PPP2R3A: variants seen among roughly 807,000 people sequenced by gnomAD.
The protein encoded by PPP2R3A is serine/threonine-protein phosphatase 2A regulatory subunit B'' subunit alpha.
A neutral mutation model predicts 106.9 loss-of-function variants in PPP2R3A; 80 were observed. That is an observed-to-expected ratio of 0.75 (90% CI 0.62 to 0.90). The LOEUF (loss-of-function observed/expected upper bound fraction) is 0.90. Among genes scored for constraint, PPP2R3A ranks in the 40% least tolerant of loss-of-function variants. The pLI is 0.00. For missense variants in PPP2R3A, 1,386 were observed against 1,350.4 expected, an observed-to-expected ratio of 1.03 and a Z score of -0.41; for synonymous variants, 483 against 468.3, an observed-to-expected ratio of 1.03 and a Z score of -0.41.
At chr3:136,026,791 G>T in intron 2 of PPP2R3A, 41 bp from the exon 3 acceptor site, 7 of 1,531,098 alleles carry the variant, frequency 4.6e-6, no homozygotes, top group Non-Finnish European at 6.2e-6. Flanking sequence ...AATGAATACT[G>T]TTTAAATTTT....
intron 13 of PPP2R3A, among the ~76,000 whole-genome samples, chr3:136,123,115 C>CTAA (rs1938060032): frequency 1.3e-5 from 2 of 152,016 alleles, no homozygotes; most frequent in Admixed American, 6.6e-5. Flanking sequence ...CCCCAAAATA[C>CTAA]GTTGTGGAAC....
rs186838098 is a variant in PPP2R3A at position 136,112,360 on chromosome 3, C to T, written c.3329+6038C>T. ...GAGAAAGTCAAGCTATCCGTCTTTG[C>T]AGATGATATAATTCTATACCTAGAA... On this transcript the variant is annotated intron_variant, in intron 13 of 13. Transcript: ENST00000264977. Among the ~76,000 whole-genome samples, 219 of 152,250 alleles carry T rather than the reference C, an allele frequency of 1.4e-3. 3 individuals are homozygous for T. Among genetic ancestry groups the T allele is most frequent in the African/African-American group, 4.6e-3 (193 of 41,560 alleles).
chr3:136,060,583 A>G (rs1936042708), intron 5 of PPP2R3A, among the ~76,000 whole-genome samples: 1 of 152,080 alleles, frequency 6.6e-6, no homozygotes, highest in Non-Finnish European at 1.5e-5. Flanking sequence ...ATGTGAAGAT[A>G]TGCTTGCTTC....
In PPP2R3A at chr3:135,990,032, T is replaced by C. The variant is rs16843601; in HGVS notation, c.-440-11027T>C. ...CTCTGGTATCACTCTCACTTTTGTT[T>C]GTAGTGTGTCTTATTTCTACAGTCA... On this transcript the variant is annotated intron_variant, in intron 1 of 13. Transcript: ENST00000264977. 7.3e-3 allele frequency among the ~76,000 whole-genome samples: 1,117 copies of C among 152,306 alleles called. 12 individuals carry two copies. The highest frequency in any genetic ancestry group is 0.026 in the African/African-American group (1,095 of 41,576).
At chr3:136,025,585 G>T (rs956916785) in intron 2 of PPP2R3A, among the ~76,000 whole-genome samples, 1 of 151,510 alleles carries the variant, frequency 6.6e-6, no homozygotes, top group Non-Finnish European at 1.5e-5. Flanking sequence ...CATTTTTAAG[G>T]GTAGCTAAAA....
rs565333671 is a variant in PPP2R3A at position 136,077,222 on chromosome 3, C to T, written c.2545-1145C>T. 3.3e-5 allele frequency among the ~76,000 whole-genome samples: 5 copies of T among 152,144 alleles called. No individual in the cohort carries two copies. The East Asian group carries it at 5.8e-4, about 18-fold the overall frequency. ...CTGATAGCAGGGGTGGGGTAGTGAG[C>T]GCTGGACAGCTGAAATCTAGACCTT... On this transcript the variant is annotated intron_variant, in intron 6 of 13. Transcript: ENST00000264977.
chr3:136,117,090 A>C (rs1937794816), intron 13 of PPP2R3A, among the ~76,000 whole-genome samples: 1 of 152,166 alleles, frequency 6.6e-6, no homozygotes, highest in Non-Finnish European at 1.5e-5. Context: ...AAACTCACTC[A>C]AACCTCACAA....
chr3:136,061,164 G>C (rs1936062578), intron 5 of PPP2R3A, among the ~76,000 whole-genome samples: 1 of 152,158 alleles, frequency 6.6e-6, no homozygotes, highest in Admixed American at 6.5e-5. Context: ...ATCTTTCAGA[G>C]AGAAAGAGAG....
chr3:135,982,129 G>A (rs768911514), intron 1 of PPP2R3A, among the ~76,000 whole-genome samples: 12 of 151,728 alleles, frequency 7.9e-5, no homozygotes, highest in Non-Finnish European at 1.6e-4. Context: ...TTTTGAGATA[G>A]GGTTGACAGG....
intron 3 of PPP2R3A, among the ~76,000 whole-genome samples, chr3:136,032,961 A>C (rs1266660976): frequency 6.6e-6 from 1 of 152,212 alleles, no homozygotes; most frequent in Non-Finnish European, 1.5e-5. Context: ...TCCAGTTCTC[A>C]GAGGGAATGC....
At position 136,102,086 on chromosome 3, in the gene PPP2R3A, G is replaced by A. The variant is rs1225640398; in HGVS notation, c.3007G>A (p.Glu1003Lys). ...GTATGAGCTGGAGTACTTCTATGAGGAGCAGTGTGAACGGATGGAAGCCAT... is the reference window on the plus strand; with the variant it reads ...GTATGAGCTGGAGTACTTCTATGAGAAGCAGTGTGAACGGATGGAAGCCAT... ...SMYELEYFYE[E>K]QCERMEAMGI... Residue 1003 changes from glutamate to lysine, a missense_variant, in exon 11 of 14, where the codon GAG (glutamate) becomes AAG (lysine). Glu to Lys is a moderately conservative substitution (Grantham distance 56). Transcript: ENST00000264977. 2.5e-6 allele frequency: 4 copies of A among 1,614,034 alleles called. No homozygotes were observed. In the Admixed American group the frequency reaches 5.0e-5, roughly 20 times the overall value.
At position 136,120,735 on chromosome 3, in the gene PPP2R3A, G is replaced by A. The variant is rs932187971; in HGVS notation, c.3329+14413G>A. Among the ~76,000 whole-genome samples, 7 of 151,880 alleles carry A rather than the reference G, an allele frequency of 4.6e-5. No individual in the cohort carries two copies. The Middle Eastern group carries it at 0.024, about 517-fold the overall frequency. On this transcript the variant is annotated intron_variant, in intron 13 of 13. Coordinates refer to ENST00000264977, the MANE Select transcript of PPP2R3A (RefSeq NM_002718.5). The stretch of plus-strand genomic sequence containing the variant: ...TAAGGAACTTAAAAAAATCAACAAG[G>A]GAAAAACAGCCCCATTAAAAAATGC...
chr3:136,113,768 C>T (rs1052378741), intron 13 of PPP2R3A, among the ~76,000 whole-genome samples: 1 of 151,248 alleles, frequency 6.6e-6, no homozygotes, highest in Non-Finnish European at 1.5e-5. Context: ...GCACTCCAGC[C>T]TGGGCAACAG....
intron 5 of PPP2R3A, among the ~76,000 whole-genome samples, chr3:136,051,436 T>C (rs1411001653): frequency 6.6e-6 from 1 of 152,222 alleles, no homozygotes; most frequent in Non-Finnish European, 1.5e-5. Flanking sequence ...TTCAATTGAT[T>C]GTCCTGCCTC....
intron 1 of PPP2R3A, among the ~76,000 whole-genome samples, chr3:135,997,944 T>C (rs1933465986): frequency 6.6e-6 from 1 of 152,244 alleles, no homozygotes; most frequent in Non-Finnish European, 1.5e-5. Context: ...CAGTGATCTT[T>C]CTGTAACAAA....
At chr3:136,040,984 C>G (rs746572704) in intron 4 of PPP2R3A, 22 bp downstream of exon 4, 1 of 1,595,824 alleles carries the variant, frequency 6.3e-7, no homozygotes, top group Non-Finnish European at 8.6e-7. Context: ...AGCAGTCTCT[C>G]TGGAGCTAGG....
At chr3:136,057,087 G>A (rs1045867886) in intron 5 of PPP2R3A, among the ~76,000 whole-genome samples, 5 of 151,376 alleles carry the variant, frequency 3.3e-5, no homozygotes, top group East Asian at 1.9e-4. Context: ...CACACACACC[G>A]TTGGTGGGAA....
intron 13 of PPP2R3A, among the ~76,000 whole-genome samples, chr3:136,130,637 T>A (rs188472420): frequency 2.6e-5 from 4 of 152,320 alleles, no homozygotes; most frequent in Non-Finnish European, 1.5e-5. Flanking sequence ...AATGACTTTC[T>A]TCACAAAATT....
At chr3:136,020,623 T>C (rs1934432488) in intron 2 of PPP2R3A, among the ~76,000 whole-genome samples, 1 of 152,154 alleles carries the variant, frequency 6.6e-6, no homozygotes, top group African/African-American at 2.4e-5. Context: ...TCCACGCTTA[T>C]ATTTTGTTAG....
Sources: gnomAD v4.1 joint callset for allele counts (sites outside exome capture counted in the v4.1 genomes callset) on GRCh38, gnomAD v4.1.1 for gene constraint, MANE v1.5 for transcripts, NCBI Gene and HGNC (gene_info 2026-07-23, HGNC 2026-07-21) for gene names.